Variants in NRXN1 observed in about 807,000 individuals in gnomAD.
NRXN1 encodes the protein neurexin 1.
A neutral mutation model predicts 150.9 loss-of-function variants in NRXN1; 39 were observed. That is an observed-to-expected ratio of 0.26 (90% CI 0.20 to 0.34). The LOEUF (loss-of-function observed/expected upper bound fraction) is 0.34. Among genes scored for constraint, NRXN1 ranks in the 10% least tolerant of loss-of-function variants. The pLI is 1.00. For synonymous variants in NRXN1, 924 were observed against 757.0 expected (o/e 1.22, Z -3.62); for missense variants, 1,815 against 1,949.9 (o/e 0.93, Z 1.30).
At chr2:50,484,892 T>C (rs545623778) in intron 15 of NRXN1, among the ~76,000 whole-genome samples, 143 of 152,368 alleles carry the variant, frequency 9.4e-4, no homozygotes, top group African/African-American at 3.4e-3. Context: ...GAAAGTGTTT[T>C]ATTTTATGAT....
intron 5 of NRXN1, among the ~76,000 whole-genome samples, chr2:50,903,640 C>T (rs906991324): frequency 5.3e-5 from 8 of 152,108 alleles, no homozygotes; most frequent in African/African-American, 1.7e-4. Flanking sequence ...ATGGGGCTTA[C>T]TTGTATCTTC....
intron 17 of NRXN1, among the ~76,000 whole-genome samples, chr2:50,324,128 G>A (rs2076227168): frequency 6.6e-6 from 1 of 152,188 alleles, no homozygotes; most frequent in African/African-American, 2.4e-5. Flanking sequence ...TAAACTTCAG[G>A]CAGGGTATAT....
chr2:50,749,483 C>T (rs997154759), intron 5 of NRXN1, among the ~76,000 whole-genome samples: 1 of 151,958 alleles, frequency 6.6e-6, no homozygotes, highest in Non-Finnish European at 1.5e-5. Context: ...TAGTGCATAA[C>T]CCTCTACAGC....
intron 2 of NRXN1, among the ~76,000 whole-genome samples, chr2:51,019,698 T>C (rs1266532718): frequency 6.6e-6 from 1 of 152,102 alleles, no homozygotes; most frequent in Non-Finnish European, 1.5e-5. Flanking sequence ...GTTGTTCTAA[T>C]TGGAAAACTT....
chr2:50,167,619 C>T (rs1244622592), intron 18 of NRXN1, among the ~76,000 whole-genome samples: 2 of 151,666 alleles, frequency 1.3e-5, no homozygotes, highest in Non-Finnish European at 2.9e-5. Flanking sequence ...CAAGTATTAT[C>T]AAAGAGCTAA....
chr2:50,150,262 T>C (rs575109484), intron 18 of NRXN1, among the ~76,000 whole-genome samples: 34 of 151,900 alleles, frequency 2.2e-4, no homozygotes, highest in African/African-American at 8.2e-4. Context: ...TGGCATGCAG[T>C]CTTCATGCAT....
At chr2:50,110,971 C>T (rs1702300980) in intron 18 of NRXN1, among the ~76,000 whole-genome samples, 1 of 152,018 alleles carries the variant, frequency 6.6e-6, no homozygotes, top group Non-Finnish European at 1.5e-5. Flanking sequence ...TGACTTAATC[C>T]TCATTAGTTA....
chr2:49,952,143 T>C (rs1413154856), intron 21 of NRXN1, among the ~76,000 whole-genome samples: 1 of 152,062 alleles, frequency 6.6e-6, no homozygotes, highest in Non-Finnish European at 1.5e-5. Context: ...CAGTAGATTA[T>C]GTTTTTCTAT....
intron 2 of NRXN1, among the ~76,000 whole-genome samples, chr2:51,017,105 G>T (rs1668782385): frequency 6.6e-6 from 1 of 151,872 alleles, no homozygotes; most frequent in Admixed American, 6.6e-5. Flanking sequence ...GGCCTGTCAG[G>T]GGGTGGGGGT....
intron 5 of NRXN1, among the ~76,000 whole-genome samples, chr2:50,910,195 G>T (rs1367731765): frequency 6.6e-6 from 1 of 151,680 alleles, no homozygotes; most frequent in Admixed American, 6.6e-5. Context: ...TGACTTTTTT[G>T]ATCTTTCCTC....
intron 13 of NRXN1, among the ~76,000 whole-genome samples, chr2:50,504,048 G>T (rs1406560979): frequency 2.0e-5 from 3 of 147,466 alleles, no homozygotes; most frequent in Non-Finnish European, 4.4e-5. Context: ...AGCAGGAAGA[G>T]ATTATATACT....
intron 17 of NRXN1, among the ~76,000 whole-genome samples, chr2:50,371,517 G>A (rs2080025146): frequency 6.6e-6 from 1 of 151,982 alleles, no homozygotes; most frequent in African/African-American, 2.4e-5. Context: ...CCTTAATTAT[G>A]GGGATTATGT....
chr2:50,408,449 C>T lies in NRXN1; in HGVS notation c.3364+56993G>A, dbSNP rs569476118. 2.0e-5 allele frequency among the ~76,000 whole-genome samples: 3 copies of T among 152,322 alleles called. No individual in the cohort carries two copies. In the East Asian group the frequency reaches 5.8e-4, roughly 29 times the overall value. On this transcript the variant is annotated intron_variant, in intron 17 of 22. Transcript: ENST00000401669. ...GTTTTCCCAAGGCTGCATGATGTAG[C>T]TGAGATAGCCAGGGCTTGGTGGAAC...
intron 18 of NRXN1, among the ~76,000 whole-genome samples, chr2:50,115,547 G>T (rs1702942112): frequency 6.6e-6 from 1 of 151,898 alleles, no homozygotes; most frequent in Non-Finnish European, 1.5e-5. Flanking sequence ...ACTTCCTCAA[G>T]GTCACAGAAC....
intron 21 of NRXN1, among the ~76,000 whole-genome samples, chr2:49,990,916 G>T (rs1247149390): frequency 2.0e-5 from 3 of 152,092 alleles, no homozygotes; most frequent in Admixed American, 2.0e-4. Context: ...CTCAGTGGTG[G>T]TAGCAAGGTA....
rs76884566 is a variant in NRXN1, at chr2:49,979,632, T to C, written c.4129-35841A>G. ...ACATATGTCAGAAAGTAAACTCCAG[T>C]TGACAGGAACTATAGCATAGGGAAA... On this transcript the variant is annotated intron_variant, in intron 21 of 22. Transcript: ENST00000401669. 1.8e-3 allele frequency among the ~76,000 whole-genome samples: 271 copies of C among 152,300 alleles called. 1 individual carries two copies. Among genetic ancestry groups the C allele is most frequent in the African/African-American group, 6.3e-3 (263 of 41,572 alleles).
intron 6 of NRXN1, among the ~76,000 whole-genome samples, chr2:50,621,631 C>G (rs1319971430): frequency 2.0e-5 from 3 of 152,100 alleles, no homozygotes; most frequent in Non-Finnish European, 4.4e-5. Flanking sequence ...TTTCAGCTGA[C>G]CACTGCAGCC....
intron 18 of NRXN1, among the ~76,000 whole-genome samples, chr2:50,195,465 G>A (rs669800): frequency 0.81 from 123,452 of 152,204 alleles, 50,591 homozygotes; most frequent in African/African-American, 0.92. Flanking sequence ...ATAGGCTGTT[G>A]TTGTGCATAT....
intron 5 of NRXN1, among the ~76,000 whole-genome samples, chr2:50,848,533 G>A (rs1674033064): frequency 6.6e-6 from 1 of 152,254 alleles, no homozygotes; most frequent in South Asian, 2.1e-4. Context: ...CGGGAGAGAA[G>A]TTTGAAGGAT....
Sources: allele counts gnomAD v4.1 joint callset (sites outside exome capture counted in the v4.1 genomes callset), GRCh38; gene constraint gnomAD v4.1.1; transcripts MANE v1.5; gene names NCBI Gene and HGNC (gene_info 2026-07-23, HGNC 2026-07-21).